MYO1A: variants seen among roughly 807,000 people sequenced by gnomAD.
MYO1A encodes the protein myosin IA, also known as unconventional myosin-Ia.
In MYO1A, 127 loss-of-function variants were observed where a neutral mutation model predicts 138.5. That is an observed-to-expected ratio of 0.92 (90% CI 0.79 to 1.06). The LOEUF (loss-of-function observed/expected upper bound fraction) is 1.06. MYO1A is among the 50% of genes least tolerant of loss of function. The pLI, the probability that MYO1A is intolerant of heterozygous loss-of-function variation, is 0.00. For synonymous variants in MYO1A, 477 were observed against 497.5 expected (o/e 0.96, Z 0.55); for missense variants, 1,211 against 1,288.8 (o/e 0.94, Z 0.92).
At position 57,036,313 on chromosome 12, in the gene MYO1A, C is replaced by G. The variant is rs754281865; in HGVS notation, c.2343G>C (p.Lys781Asn). Reference sequence around the variant, plus strand: ...CCTAACCCCTACCACTTACCATGCTCTTGTAGATGAAATCTGCCAAGGTGA... The same window carrying G: ...CCTAACCCCTACCACTTACCATGCTGTTGTAGATGAAATCTGCCAAGGTGA... ...AALTLADFIY[K>N]SMVQKFLLGL... The change falls in exon 22 of 28, where the codon AAG becomes AAC. Residue 781 changes from lysine to asparagine, a missense_variant. By Grantham distance (94) the Lys-to-Asn change is moderately conservative. Transcript: ENST00000300119. 6.2e-7 allele frequency: 1 copy of G among 1,613,700 alleles called. No homozygotes were observed. Among genetic ancestry groups the G allele is most frequent in the East Asian group, 2.2e-5 (1 of 44,894 alleles).
At position 57,037,080 on chromosome 12, in the gene MYO1A, G is replaced by C. The variant is rs145442590; in HGVS notation, c.2067C>G (p.Leu689=). The C allele has an allele frequency of 1.9e-6, 3 of 1,614,130 alleles. No homozygotes were observed. In the Admixed American group the frequency reaches 5.0e-5, roughly 27 times the overall value. ...FIRSPKTLFY[L]EEQRRLRLQQ... is the part of the protein sequence containing the mutation. ...GGAGTCTCAGGCGCCTCTGTTCTTC[G>C]AGGTAGAAAAGCTGTGGAGAGGTGG... Residue 689 remains leucine, a synonymous_variant, in exon 20 of 28, where the codon CTC becomes CTG. Transcript: ENST00000300119.
chr12:57,041,546 C>T lies in MYO1A; in HGVS notation c.1099-49G>A, dbSNP rs760217981. 12 of 1,502,932 alleles carry T rather than the reference C, an allele frequency of 8.0e-6. No homozygotes were observed. The South Asian group carries it at 1.4e-4, about 17-fold the overall frequency. The allele number at this position is 1,502,932 out of a possible 1,614,324, so 93.1% of individuals were successfully genotyped here. On this transcript the variant is annotated intron_variant, in intron 12 of 27. Transcript: ENST00000300119. ...CTGAGGACAGGCCCCCTCTGCACAC[C>T]AGGCCAGGTCCTTCTGGAGCGGATG...
chr12:57,028,746 G>A lies in MYO1A; in HGVS notation c.*9C>T, dbSNP rs1447448119. 1.9e-6 allele frequency: 3 copies of A among 1,613,752 alleles called. No homozygotes were observed. Among genetic ancestry groups the A allele is most frequent in the East Asian group, 2.2e-5 (1 of 44,888 alleles). ...GAAGCAACTGCCATCTCTGCATGGTGCCCCCTCCTCACTGCACAGTCACCT... is the reference window on the plus strand; with the variant it reads ...GAAGCAACTGCCATCTCTGCATGGTACCCCCTCCTCACTGCACAGTCACCT... On this transcript the variant is annotated 3_prime_UTR_variant, in exon 28 of 28. Coordinates refer to ENST00000300119, the MANE Select transcript of MYO1A (RefSeq NM_005379.4).
rs576720271 is a variant in MYO1A at position 57,039,906 on chromosome 12, C to T, written c.1270-632G>A. Among the ~76,000 whole-genome samples, 59 of 152,292 alleles carry T rather than the reference C, an allele frequency of 3.9e-4. 1 individual carries two copies. Among genetic ancestry groups the T allele is most frequent in the Non-Finnish European group, 3.2e-4 (22 of 68,032 alleles). On this transcript the variant is annotated intron_variant, in intron 14 of 27. Coordinates refer to ENST00000300119, the MANE Select transcript of MYO1A (RefSeq NM_005379.4). ...TGGTCCAGGACTACCCTTTAGGAAC[C>T]ACTTTATCTACATGAGACTTTGAGA...
At chr12:57,039,065 C>T in intron 15 of MYO1A, 56 bp from the exon 16 acceptor site, 18 of 1,583,850 alleles carry the variant, frequency 1.1e-5, no homozygotes, top group African/African-American at 2.7e-5. Context: ...GAGATGTCCA[C>T]GTTCTCATTG....
rs778411291 is a variant in MYO1A, at chr12:57,037,687, A to G, written c.1962-46T>C. On this transcript the variant is annotated intron_variant, in intron 18 of 27. Transcript: ENST00000300119. Reference sequence around the variant, plus strand: ...AAGCTGCAGAGGGGTATCTCAGGAGAAAGTCCTCTTCCACCTTTCCCCTAA... The same window carrying G: ...AAGCTGCAGAGGGGTATCTCAGGAGGAAGTCCTCTTCCACCTTTCCCCTAA... 13 of 1,578,804 alleles carry G rather than the reference A, an allele frequency of 8.2e-6. No homozygotes were observed. In the Admixed American group the frequency reaches 2.2e-4, roughly 26 times the overall value.
intron 22 of MYO1A, among the ~76,000 whole-genome samples, chr12:57,032,848 A>T (rs1480669248): frequency 6.6e-6 from 1 of 152,214 alleles, no homozygotes; most frequent in Non-Finnish European, 1.5e-5. Context: ...ATGTTTTAAA[A>T]ATTCAATATA....
At chr12:57,050,757 C>T (rs1565649994), upstream of MYO1A, 2 of 152,160 alleles carry the variant, frequency 1.3e-5, no homozygotes, top group Non-Finnish European at 2.9e-5. Flanking sequence ...TTGAACTCCC[C>T]CTTGCATTGC....
At chr12:57,040,625 G>C (rs765043134) in intron 14 of MYO1A, among the ~76,000 whole-genome samples, 1 of 152,200 alleles carries the variant, frequency 6.6e-6, no homozygotes, top group Non-Finnish European at 1.5e-5. Flanking sequence ...ATTCCTGAGA[G>C]CTCACAAGGG....
Position 57,028,587 on chromosome 12 carries a change from G to T in MYO1A, c.*168C>A. On this transcript the variant is annotated 3_prime_UTR_variant, in exon 28 of 28. Transcript: ENST00000300119. ...CGGGTTGGAGGAAGCTACTTTTGGA[G>T]GAGAGAACAAGAAGGGTTTGGGACA... The T allele has an allele frequency of 2.3e-6, 2 of 868,064 alleles. No individual in the cohort carries two copies. Among genetic ancestry groups the T allele is most frequent in the Admixed American group, 2.8e-5 (1 of 35,908 alleles). The allele number at this position is 868,064 out of a possible 1,614,324, so 53.8% of individuals were successfully genotyped here.
chr12:57,028,907 C>A (rs763817650), intron 27 of MYO1A, 26 bp from the exon 28 acceptor site: 1 of 1,613,054 alleles, frequency 6.2e-7, no homozygotes, highest in African/African-American at 1.3e-5. Context: ...AAAACCAAGT[C>A]TAGTGCCCAT....
chr12:57,036,230 C>T (rs2030534939), intron 22 of MYO1A, 77 bp downstream of exon 22: 3 of 1,416,702 alleles, frequency 2.1e-6, no homozygotes, highest in Admixed American at 3.4e-5. Context: ...CTTTGGGTTG[C>T]CTCTTCTCAA....
Position 57,037,068 on chromosome 12 carries a change from CCT to C in MYO1A, c.2077_2078del (p.Arg693AlafsTer159), listed in dbSNP as rs1565643009. The C allele has an allele frequency of 1.2e-6, 2 of 1,614,106 alleles. No individual in the cohort carries two copies. Among genetic ancestry groups the C allele is most frequent in the East Asian group, 2.2e-5 (1 of 44,866 alleles). On this transcript the variant is annotated frameshift_variant, in exon 20 of 28. Transcript: ENST00000300119. LOFTEE classifies it high-confidence loss of function. ...PKTLFYLEEQ[R>X]RLRLQQLATL... ...TGGCCAGCTGCTGGAGTCTCAGGCG[CCT>C]CTGTTCTTCGAGGTAGAAAAGCTGT...
Position 57,031,314 on chromosome 12 carries a change from G to A in MYO1A, c.2350-140C>T, listed in dbSNP as rs139643955. 1.6e-4 allele frequency: 166 copies of A among 1,048,150 alleles called. 1 individual carries two copies. The highest frequency in any genetic ancestry group is 2.6e-4 in the Middle Eastern group (1 of 3,848). The allele number at this position is 1,048,150 out of a possible 1,614,324, so 64.9% of individuals were successfully genotyped here. ...AAGGGGTGGAGCTGAAGAGATGGAA[G>A]GGAGTCACCTCTTGGATCTTTTTCA... is the stretch of plus-strand genomic sequence containing the variant. On this transcript the variant is annotated intron_variant, in intron 22 of 27. Transcript: ENST00000300119.
chr12:57,037,984 C>A lies in MYO1A; in HGVS notation c.1846G>T (p.Glu616Ter). 6.2e-7 allele frequency: 1 copy of A among 1,614,206 alleles called. No individual in the cohort carries two copies. Among genetic ancestry groups the A allele is most frequent in the Non-Finnish European group, 8.5e-7 (1 of 1,180,044 alleles). Residue 616 changes from glutamate (E) to a stop codon, truncating the protein, a stop_gained, in exon 18 of 28, where the codon GAG becomes TAG. Transcript: ENST00000300119. LOFTEE classifies it high-confidence loss of function. The stretch of plus-strand genomic sequence containing the variant: ...CCTGCCCGTCGCACCCGTACGTTCT[C>A]CAGCAGTCCCAGGTACCGAGCCTGG... ...ATQARYLGLL[E>*]NVRVRRAGYA...
chr12:57,036,983 T>C lies in MYO1A; in HGVS notation c.2164A>G (p.Lys722Glu). ...CAAGAGGAGATGAGGATCTGACTCT[T>C]TCGCATCAGTTGGTAGTGGGTGCGG... The part of the protein sequence containing the change: ...RCRTHYQLMR[K>E]SQILISSWFR... The change falls in exon 20 of 28, where the codon AAG (lysine) becomes GAG (glutamate). Residue 722 changes from lysine to glutamate, a missense_variant. Lys to Glu is a moderately conservative substitution (Grantham distance 56). Coordinates refer to ENST00000300119, the MANE Select transcript of MYO1A (RefSeq NM_005379.4). 6.2e-7 allele frequency: 1 copy of C among 1,614,196 alleles called. No homozygotes were observed. The highest frequency in any genetic ancestry group is 8.5e-7 in the Non-Finnish European group (1 of 1,180,020).
In MYO1A at chr12:57,029,276, A is replaced by G; in HGVS notation, c.2878-17T>C. 1 of 1,613,886 alleles carries G rather than the reference A, an allele frequency of 6.2e-7. No homozygotes were observed. On this transcript the variant is annotated splice_polypyrimidine_tract_variant and intron_variant, in intron 26 of 27. Transcript: ENST00000300119. Reference sequence around the variant, plus strand: ...CGATGACATCTTAGGAAGAGGGAAAAATAGCAGGAAAGGGATTCATTTTTT... The same window carrying G: ...CGATGACATCTTAGGAAGAGGGAAAGATAGCAGGAAAGGGATTCATTTTTT...
intron 24 of MYO1A, 53 bp from the exon 25 acceptor site, chr12:57,029,925 C>T: frequency 6.2e-7 from 1 of 1,613,808 alleles, no homozygotes; most frequent in Non-Finnish European, 8.5e-7. Context: ...GCCTCTTCCC[C>T]ACCCCCAGAG....
rs761059212 is a variant in MYO1A, at chr12:57,044,213, G to A, written c.641-4C>T. The A allele has an allele frequency of 6.2e-7, 1 of 1,612,732 alleles. No individual in the cohort carries two copies. Among genetic ancestry groups the A allele is most frequent in the South Asian group, 1.1e-5 (1 of 90,864 alleles). Reference sequence around the variant, plus strand: ...TCCCGCTCAAGCTTCAGGGCCTCTGGGAGGGCCAGTGTTGGGGAAGATGGT... The same window carrying A: ...TCCCGCTCAAGCTTCAGGGCCTCTGAGAGGGCCAGTGTTGGGGAAGATGGT... On this transcript the variant is annotated splice_region_variant and splice_polypyrimidine_tract_variant and intron_variant, in intron 8 of 27. Transcript: ENST00000300119.
Sources: gnomAD v4.1 joint callset for allele counts (sites outside exome capture counted in the v4.1 genomes callset) on GRCh38, gnomAD v4.1.1 for gene constraint, MANE v1.5 for transcripts, NCBI Gene and HGNC (gene_info 2026-07-23, HGNC 2026-07-21) for gene names.